Variants in WDR70 observed in about 807,000 individuals in gnomAD.
WDR70 encodes WD repeat domain 70, also known as WD repeat-containing protein 70.
Under a neutral mutation model 88.6 loss-of-function variants are expected in WDR70, and 53 were observed. That is an observed-to-expected ratio of 0.60 (90% confidence interval 0.48 to 0.75). WDR70 has a LOEUF of 0.75. WDR70 is among the 30% of genes least tolerant of loss of function. The pLI is 0.00. For synonymous variants in WDR70, 280 were observed against 270.0 expected, an observed-to-expected ratio of 1.04 and a Z score of -0.36; for missense variants, 610 against 823.2, an observed-to-expected ratio of 0.74 and a Z score of 3.17.
rs1461485906 is a variant in WDR70 at position 37,596,036 on chromosome 5, A to T, written c.918-9028A>T. ...AGGAAATTTTGGGGGTTTTGTTTAT[A>T]AATTACTTTTGCAAGCTTTCTTCTC... On this transcript the variant is annotated intron_variant, in intron 9 of 17. Coordinates refer to ENST00000265107, the MANE Select transcript of WDR70 (RefSeq NM_018034.4). Among the ~76,000 whole-genome samples the T allele has an allele frequency of 6.6e-5, 10 of 152,296 alleles. No homozygotes were observed. The South Asian group carries it at 2.1e-3, about 32-fold the overall frequency.
chr5:37,551,974 G>T (rs899511636), intron 9 of WDR70, among the ~76,000 whole-genome samples: 1 of 151,860 alleles, frequency 6.6e-6, no homozygotes, highest in Admixed American at 6.6e-5. Context: ...GTTTCACCAT[G>T]TTGGCCAGGC....
chr5:37,398,705 TAAG>T (rs1749103497), intron 5 of WDR70, among the ~76,000 whole-genome samples: 1 of 152,216 alleles, frequency 6.6e-6, no homozygotes. Context: ...TATGTAAAAT[TAAG>T]AAAACAAACA....
intron 10 of WDR70, among the ~76,000 whole-genome samples, chr5:37,638,776 G>A (rs1745035828): frequency 6.6e-6 from 1 of 152,060 alleles, no homozygotes; most frequent in Admixed American, 6.6e-5. Context: ...ACAGTTACTG[G>A]GATCTGTACA....
chr5:37,438,115 A>C, intron 6 of WDR70, 134 bp downstream of exon 6: 2 of 600,956 alleles, frequency 3.3e-6, no homozygotes. Context: ...ACATTAAGGA[A>C]AAATAGATTA....
chr5:37,610,265 CA>C (rs869283967), intron 10 of WDR70, among the ~76,000 whole-genome samples: 5,175 of 79,294 alleles, frequency 0.065, 83 homozygotes, highest in East Asian at 0.09. Context: ...GACTCCGTCT[CA>C]AAAAAAAAAA....
intron 17 of WDR70, 40 bp downstream of exon 17, chr5:37,727,085 T>C: frequency 6.3e-7 from 1 of 1,585,764 alleles, no homozygotes. Context: ...ATTGTTATGT[T>C]TAATGAATTG....
At chr5:37,631,893 T>C (rs1278830826) in intron 10 of WDR70, among the ~76,000 whole-genome samples, 1 of 152,148 alleles carries the variant, frequency 6.6e-6, no homozygotes, top group African/African-American at 2.4e-5. Context: ...ACCCACAGAG[T>C]ACCAGCAGAG....
At chr5:37,415,629 C>T (rs1749702430) in intron 5 of WDR70, among the ~76,000 whole-genome samples, 1 of 150,590 alleles carries the variant, frequency 6.6e-6, no homozygotes, top group South Asian at 2.1e-4. Context: ...CCCCCACCTC[C>T]CTCCCGGACG....
intron 9 of WDR70, among the ~76,000 whole-genome samples, chr5:37,527,828 A>G (rs1410899117): frequency 6.6e-6 from 1 of 152,258 alleles, no homozygotes; most frequent in Non-Finnish European, 1.5e-5. Context: ...GGATATGAAC[A>G]GACACTTCTC....
chr5:37,576,771 T>C (rs993444819), intron 9 of WDR70, among the ~76,000 whole-genome samples: 2 of 152,208 alleles, frequency 1.3e-5, no homozygotes, highest in East Asian at 3.9e-4. Context: ...AGTCTTTTTT[T>C]TTTTTTTCCT....
chr5:37,498,392 C>CT (rs1445867096), intron 8 of WDR70, among the ~76,000 whole-genome samples: 1 of 152,264 alleles, frequency 6.6e-6, no homozygotes, highest in Non-Finnish European at 1.5e-5. Context: ...TTCTATTCAA[C>CT]TTCTAAATAT....
intron 9 of WDR70, among the ~76,000 whole-genome samples, chr5:37,551,246 G>A (rs763578588): frequency 2.6e-5 from 4 of 151,322 alleles, no homozygotes; most frequent in Non-Finnish European, 5.9e-5. Flanking sequence ...CAGAGGTTGC[G>A]GTGAGCTGAG....
chr5:37,392,506 C>T (rs570705940), intron 4 of WDR70, among the ~76,000 whole-genome samples: 8 of 152,070 alleles, frequency 5.3e-5, no homozygotes, highest in African/African-American at 7.2e-5. Context: ...TGCACTACCA[C>T]GGCCGGCTAA....
chr5:37,581,527 C>T (rs1743216343), intron 9 of WDR70, among the ~76,000 whole-genome samples: 1 of 152,032 alleles, frequency 6.6e-6, no homozygotes. Flanking sequence ...TTTTTTGTTG[C>T]ACTCTTTAAC....
intron 10 of WDR70, among the ~76,000 whole-genome samples, chr5:37,691,784 C>T (rs1746803903): frequency 6.6e-6 from 1 of 152,268 alleles, no homozygotes; most frequent in African/African-American, 2.4e-5. Flanking sequence ...GACACCCTAA[C>T]ATCACAATTA....
At chr5:37,436,889 T>C (rs1474437514) in intron 5 of WDR70, among the ~76,000 whole-genome samples, 3 of 152,098 alleles carry the variant, frequency 2.0e-5, no homozygotes, top group African/African-American at 7.2e-5. Flanking sequence ...TTTAATTAAG[T>C]AGATTGTGAG....
In WDR70 at chr5:37,726,881, A is replaced by G; in HGVS notation, c.1715-2A>G. 1.3e-6 allele frequency: 2 copies of G among 1,577,062 alleles called. No homozygotes were observed. The highest frequency in any genetic ancestry group is 2.0e-5 in the Admixed American group (1 of 49,316). ...AATTTGGTTTTTTTTCTTTTGCAAT[A>G]GGTCGTGGTGGCCGAGTTGGAACCC... On this transcript the variant is annotated splice_acceptor_variant, in intron 16 of 17. Coordinates refer to ENST00000265107, the MANE Select transcript of WDR70 (RefSeq NM_018034.4). LOFTEE classifies it high-confidence loss of function.
At chr5:37,660,799 G>C (rs191729976) in intron 10 of WDR70, among the ~76,000 whole-genome samples, 1 of 152,034 alleles carries the variant, frequency 6.6e-6, no homozygotes, top group South Asian at 2.1e-4. Flanking sequence ...TGTGACTACA[G>C]TTGGCCCAAC....
chr5:37,406,679 AG>A (rs1487334226), intron 5 of WDR70, among the ~76,000 whole-genome samples: 3 of 152,216 alleles, frequency 2.0e-5, no homozygotes, highest in African/African-American at 7.2e-5. Flanking sequence ...ATTATCATTA[AG>A]GTCATTTATT....
Sources: gnomAD v4.1 joint callset for allele counts (sites outside exome capture counted in the v4.1 genomes callset) on GRCh38, gnomAD v4.1.1 for gene constraint, MANE v1.5 for transcripts, NCBI Gene and HGNC (gene_info 2026-07-23, HGNC 2026-07-21) for gene names.